SOX5: variants seen among roughly 807,000 people sequenced by gnomAD.
SOX5 encodes transcription factor SOX-5.
Under a neutral mutation model 92.0 loss-of-function variants are expected in SOX5, and 9 were observed. The observed-to-expected ratio is 0.10, with a 90% CI of 0.06 to 0.17. The LOEUF (loss-of-function observed/expected upper bound fraction) is 0.17. Ranked by LOEUF, SOX5 falls within the 10% of genes least tolerant of loss-of-function variation. The probability of loss-of-function intolerance (pLI) is 1.00; values close to 1 mark genes in which losing one functional copy is unlikely to be tolerated. For missense variants in SOX5, 642 were observed against 944.5 expected (o/e 0.68, Z 4.20); for synonymous variants, 344 against 336.3 (o/e 1.02, Z -0.25).
intron 10 of SOX5, among the ~76,000 whole-genome samples, chr12:23,570,968 TA>T (rs1948254010): frequency 9.9e-5 from 10 of 101,348 alleles, no homozygotes; most frequent in Non-Finnish European, 1.8e-4. Context: ...TATATATATA[TA>T]TATATATATA....
intron 4 of SOX5, among the ~76,000 whole-genome samples, chr12:24,163,363 G>A (rs1952992966): frequency 6.6e-6 from 1 of 152,076 alleles, no homozygotes; most frequent in Admixed American, 6.6e-5. Flanking sequence ...GCCTGATCCA[G>A]GATCTGGGAG....
chr12:24,162,599 C>T (rs983019884), intron 4 of SOX5, among the ~76,000 whole-genome samples: 3 of 152,154 alleles, frequency 2.0e-5, no homozygotes, highest in South Asian at 4.1e-4. Context: ...AGGAAAAAAC[C>T]GTGGCTTACA....
rs899853571 is a variant in SOX5 at position 23,743,102 on chromosome 12, T to A, written c.569-2063A>T. On this transcript the variant is annotated intron_variant, in intron 4 of 14. Coordinates refer to ENST00000451604, the MANE Select transcript of SOX5 (RefSeq NM_006940.6). The stretch of plus-strand genomic sequence containing the variant: ...ATGGTATTTTGTAACCATAAAAAAT[T>A]ATTTTTGAAGAAAATTTAATGACAT... 2.0e-5 allele frequency among the ~76,000 whole-genome samples: 3 copies of A among 152,262 alleles called. No individual in the cohort carries two copies. The South Asian group carries it at 6.2e-4, about 32-fold the overall frequency.
In SOX5 at chr12:23,987,932, T is replaced by A. The variant is rs144275819; in HGVS notation, c.-1-91908A>T. ...TCATAGCTGCTAAGTGGAGGGATAA[T>A]TGATTGTAAGAGGAAAAATGGAAGT... On this transcript the variant is annotated intron_variant, in intron 4 of 4. Coordinates refer to the SOX5 transcript ENST00000446891. 2.6e-5 allele frequency among the ~76,000 whole-genome samples: 4 copies of A among 152,262 alleles called. No individual in the cohort carries two copies. In the East Asian group the frequency reaches 7.7e-4, roughly 29 times the overall value.
upstream of SOX5, chr12:23,951,115 T>C (rs1433628240): frequency 8.1e-6 from 4 of 495,744 alleles, no homozygotes; most frequent in Non-Finnish European, 1.5e-5. Context: ...CCTTCCATTG[T>C]TGAGAGGGCA....
In SOX5 at chr12:23,608,029, G is replaced by A. The variant is rs144908394; in HGVS notation, c.1018-3496C>T. On this transcript the variant is annotated intron_variant, in intron 8 of 14. Coordinates refer to ENST00000451604, the MANE Select transcript of SOX5 (RefSeq NM_006940.6). ...TCACACCTGTAACCTCAGCACTTTG[G>A]GAGGCAGAGACAGGAGGACTGCTTG... is the stretch of plus-strand genomic sequence containing the variant. 8.5e-4 allele frequency among the ~76,000 whole-genome samples: 128 copies of A among 150,470 alleles called. 1 individual carries two copies. The East Asian group carries it at 0.021, about 24-fold the overall frequency.
At chr12:24,070,169 CCTTT>C (rs1365621966) in intron 4 of SOX5, among the ~76,000 whole-genome samples, 4 of 152,158 alleles carry the variant, frequency 2.6e-5, no homozygotes, top group African/African-American at 9.7e-5. Flanking sequence ...ACAAAAGATG[CCTTT>C]CTTTATTTTC....
At chr12:23,737,414 C>A (rs1208717092) in intron 5 of SOX5, among the ~76,000 whole-genome samples, 1 of 152,084 alleles carries the variant, frequency 6.6e-6, no homozygotes, top group Non-Finnish European at 1.5e-5. Flanking sequence ...GTGGTGGGCA[C>A]CTGTAATCCC....
Position 23,817,814 on chromosome 12 carries a change from T to C in SOX5, c.481+28169A>G, listed in dbSNP as rs116916270. ...ACACTCCCATTCACCAAAAATAACA[T>C]AGTTACTCTCCCAAAAGACCACGAA... On this transcript the variant is annotated intron_variant, in intron 3 of 14. Transcript: ENST00000451604. Among the ~76,000 whole-genome samples, 12 of 152,252 alleles carry C rather than the reference T, an allele frequency of 7.9e-5. No individual in the cohort carries two copies. In the East Asian group the frequency reaches 1.4e-3, roughly 17 times the overall value.
At chr12:23,537,842 G>A (rs1940918063) in intron 13 of SOX5, among the ~76,000 whole-genome samples, 2 of 152,114 alleles carry the variant, frequency 1.3e-5, no homozygotes, top group Admixed American at 1.3e-4. Context: ...GGACCCTCGC[G>A]GTGAGTGTTA....
intron 4 of SOX5, among the ~76,000 whole-genome samples, chr12:24,101,726 C>T (rs929489148): frequency 6.6e-6 from 1 of 152,142 alleles, no homozygotes; most frequent in Non-Finnish European, 1.5e-5. Context: ...TGATTTCCAA[C>T]CTGGTTCCTC....
intron 4 of SOX5, among the ~76,000 whole-genome samples, chr12:24,174,710 G>T (rs11047297): frequency 0.4 from 60,489 of 151,762 alleles, 12,622 homozygotes; most frequent in Non-Finnish European, 0.47. Context: ...AATCCCAGCT[G>T]CTCAGGAGGC....
chr12:23,865,571 A>AG (rs2096802046), intron 2 of SOX5, among the ~76,000 whole-genome samples: 1 of 152,070 alleles, frequency 6.6e-6, no homozygotes, highest in African/African-American at 2.4e-5. Flanking sequence ...GCTACTCGGG[A>AG]GGCTGAGGCA....
intron 9 of SOX5, among the ~76,000 whole-genome samples, chr12:23,587,499 C>T (rs1471087073): frequency 6.6e-6 from 1 of 151,982 alleles, no homozygotes; most frequent in Non-Finnish European, 1.5e-5. Context: ...AATTAGACTG[C>T]AATCATGTAA....
intron 4 of SOX5, among the ~76,000 whole-genome samples, chr12:24,165,766 A>T: frequency 6.6e-6 from 1 of 152,212 alleles, no homozygotes; most frequent in South Asian, 2.1e-4. Flanking sequence ...GAAGAAGAGA[A>T]AGAAAGGGCT....
At chr12:24,409,015 C>A (rs898123918) in intron 1 of SOX5, among the ~76,000 whole-genome samples, 1 of 152,124 alleles carries the variant, frequency 6.6e-6, no homozygotes, top group African/African-American at 2.4e-5. Flanking sequence ...ACTATAAAGA[C>A]ACATGCACAC....
chr12:24,445,066 G>A (rs1941257892), intron 1 of SOX5, among the ~76,000 whole-genome samples: 1 of 152,136 alleles, frequency 6.6e-6, no homozygotes, highest in Admixed American at 6.6e-5. Context: ...GTACCTCCAG[G>A]ACTGACATTA....
At chr12:24,347,132 T>G (rs1032464048) in intron 2 of SOX5, among the ~76,000 whole-genome samples, 1 of 152,192 alleles carries the variant, frequency 6.6e-6, no homozygotes, top group African/African-American at 2.4e-5. Flanking sequence ...TAGAAAATAT[T>G]TGGGGAAAAA....
At chr12:24,436,164 TG>T (rs1232299681) in intron 1 of SOX5, among the ~76,000 whole-genome samples, 1 of 152,024 alleles carries the variant, frequency 6.6e-6, no homozygotes, top group Non-Finnish European at 1.5e-5. Flanking sequence ...AGTGTTCAAG[TG>T]GAAGGAAGGG....
Sources: allele counts gnomAD v4.1 joint callset (sites outside exome capture counted in the v4.1 genomes callset), GRCh38; gene constraint gnomAD v4.1.1; transcripts MANE v1.5; gene names NCBI Gene and HGNC (gene_info 2026-07-23, HGNC 2026-07-21).